Variants in ABCB5 observed in about 807,000 individuals in gnomAD.
ABCB5 encodes ATP binding cassette subfamily B member 5.
In ABCB5, 155 loss-of-function variants were observed where a neutral mutation model predicts 144.2. That is an observed-to-expected ratio of 1.08 (90% CI 0.94 to 1.23). The LOEUF (loss-of-function observed/expected upper bound fraction) is 1.23, where lower values mean the gene tolerates loss of function less well. Among genes scored for constraint, ABCB5 ranks in the 50% most tolerant of loss-of-function variants. The pLI, the probability that ABCB5 is intolerant of heterozygous loss-of-function variation, is 0.00. For synonymous variants in ABCB5, 610 were observed against 528.6 expected (o/e 1.15, Z -2.11); for missense variants, 1,830 against 1,520.8 (o/e 1.20, Z -3.38).
At chr7:20,711,775 T>TC (rs1491533317) in intron 20 of ABCB5, among the ~76,000 whole-genome samples, 5 of 60,742 alleles carry the variant, frequency 8.2e-5, no homozygotes, top group East Asian at 2.8e-3. Context: ...CCTTTCCTTC[T>TC]TTCTCTTTCT....
intron 16 of ABCB5, among the ~76,000 whole-genome samples, chr7:20,688,785 A>C (rs1786094442): frequency 6.6e-6 from 1 of 152,230 alleles, no homozygotes; most frequent in South Asian, 2.1e-4. Flanking sequence ...AATACTAGGC[A>C]GCCATAAAAA....
At chr7:20,631,273 A>C (rs948030614) in intron 4 of ABCB5, among the ~76,000 whole-genome samples, 1 of 152,108 alleles carries the variant, frequency 6.6e-6, no homozygotes, top group Admixed American at 6.6e-5. Context: ...TGCCACATGA[A>C]TTTTGGTATT....
At chr7:20,655,317 C>CA (rs1394929422) in intron 13 of ABCB5, among the ~76,000 whole-genome samples, 4 of 151,888 alleles carry the variant, frequency 2.6e-5, no homozygotes, top group African/African-American at 9.7e-5. Flanking sequence ...ACTAAAAATA[C>CA]AAAAAATTAG....
intron 26 of ABCB5, among the ~76,000 whole-genome samples, chr7:20,746,360 A>G (rs781560667): frequency 6.6e-6 from 1 of 152,130 alleles, no homozygotes; most frequent in Non-Finnish European, 1.5e-5. Context: ...GGCCTCCCAA[A>G]GTGCTGGGAT....
At chr7:20,637,059 T>C (rs1448795396) in intron 5 of ABCB5, among the ~76,000 whole-genome samples, 1 of 152,162 alleles carries the variant, frequency 6.6e-6, no homozygotes, top group Non-Finnish European at 1.5e-5. Flanking sequence ...CAATATTTGA[T>C]TGTGGAACAT....
At chr7:20,720,970 A>T (rs1781848827) in intron 20 of ABCB5, among the ~76,000 whole-genome samples, 1 of 148,386 alleles carries the variant, frequency 6.7e-6, no homozygotes, top group Admixed American at 6.8e-5. Context: ...AAAAAAAAGA[A>T]TGAAGAATTA....
At chr7:20,696,697 T>G (rs1287694173) in intron 16 of ABCB5, among the ~76,000 whole-genome samples, 1 of 152,142 alleles carries the variant, frequency 6.6e-6, no homozygotes, top group Non-Finnish European at 1.5e-5. Context: ...TGTCTATAAT[T>G]TTATGTTTTT....
chr7:20,668,591 G>A (rs1378681194), intron 14 of ABCB5, among the ~76,000 whole-genome samples: 1 of 24,508 alleles, frequency 4.1e-5, no homozygotes, highest in Middle Eastern at 0.019. Flanking sequence ...GGAGGGAGGT[G>A]GGGGGGGGGG....
chr7:20,712,660 T>C (rs140072216), intron 20 of ABCB5, among the ~76,000 whole-genome samples: 1 of 149,780 alleles, frequency 6.7e-6, no homozygotes, highest in African/African-American at 2.5e-5. Flanking sequence ...ATCATATATA[T>C]TTTTCATCTC....
At chr7:20,669,170 C>T (rs1353219848) in intron 14 of ABCB5, among the ~76,000 whole-genome samples, 4 of 149,038 alleles carry the variant, frequency 2.7e-5, no homozygotes, top group Non-Finnish European at 5.9e-5. Flanking sequence ...TGCCCGGCCG[C>T]CCCTACTGGG....
chr7:20,715,342 G>C (rs1781636935), intron 20 of ABCB5, among the ~76,000 whole-genome samples: 1 of 151,734 alleles, frequency 6.6e-6, no homozygotes, highest in Non-Finnish European at 1.5e-5. Flanking sequence ...CGCCGCGCAT[G>C]GCCTCTACTA....
chr7:20,628,678 T>C lies in ABCB5; in HGVS notation c.109-10T>C. On this transcript the variant is annotated splice_polypyrimidine_tract_variant and intron_variant, in intron 3 of 27. Coordinates refer to ENST00000404938, the MANE Select transcript of ABCB5 (RefSeq NM_001163941.2). ...ACAGTTGTGGTGCTACCGTGCTTTG[T>C]TTTCCTCAGTTCCGCTTTGCTGATG... 1 of 1,610,684 alleles carries C rather than the reference T, an allele frequency of 6.2e-7. No homozygotes were observed. Among genetic ancestry groups the C allele is most frequent in the African/African-American group, 1.3e-5 (1 of 74,944 alleles).
At chr7:20,692,516 A>G (rs1414351683) in intron 16 of ABCB5, among the ~76,000 whole-genome samples, 1 of 151,380 alleles carries the variant, frequency 6.6e-6, no homozygotes, top group South Asian at 2.1e-4. Context: ...AAGGAAAGTG[A>G]TACTAGATGG....
Position 20,681,538 on chromosome 7 carries a change from C to A in ABCB5, c.1741C>A (p.His581Asn), listed in dbSNP as rs1235561255. ...AGGTCGGACTACAATCGTGGTAGCA[C>A]ACCGACTTTCTACTATTCGAAGTGC... is the stretch of plus-strand genomic sequence containing the variant. ...SKGRTTIVVA[H>N]RLSTIRSADL... The change falls in exon 15 of 28, where the codon CAC becomes AAC. Residue 581 changes from histidine (H) to asparagine (N), a missense_variant. Physicochemically the swap from His to Asn is moderately conservative, Grantham distance 68. Coordinates refer to ENST00000404938, the MANE Select transcript of ABCB5 (RefSeq NM_001163941.2). The A allele has an allele frequency of 6.2e-7, 1 of 1,614,188 alleles. No individual in the cohort carries two copies. Among genetic ancestry groups the A allele is most frequent in the Non-Finnish European group, 8.5e-7 (1 of 1,180,036 alleles).
chr7:20,669,629 C>T, intron 14 of ABCB5, among the ~76,000 whole-genome samples: 1 of 97,982 alleles, frequency 1.0e-5, no homozygotes, highest in East Asian at 3.0e-4. Flanking sequence ...AACCAGAGAC[C>T]TTTGTTCACT....
chr7:20,659,311 T>TTATAAA, intron 14 of ABCB5: 7 of 1,421,900 alleles, frequency 4.9e-6, no homozygotes, highest in African/African-American at 4.3e-5. Flanking sequence ...ATGGCCTGAC[T>TTATAAA]CCCTTATAAA....
rs1784954740 is a variant in ABCB5, at chr7:20,660,068, C to T, written c.1707+1392C>T. ...CATGTTGTGCCCGCAGTATTTTCAT[C>T]CACTGGTAATCACTTTAGGTAATCA... is the stretch of plus-strand genomic sequence containing the variant. On this transcript the variant is annotated intron_variant, in intron 14 of 27. Transcript: ENST00000404938. 27 of 985,222 alleles carry T rather than the reference C, an allele frequency of 2.7e-5. No individual in the cohort carries two copies. In the South Asian group the frequency reaches 1.3e-3, roughly 46 times the overall value. The allele number at this position is 985,222 out of a possible 1,614,324, so 61.0% of individuals were successfully genotyped here. A position where few individuals can be genotyped will look rare whatever the true frequency, so the allele number is the denominator to read the frequency against.
At chr7:20,694,011 TTC>T (rs779287216) in intron 16 of ABCB5, among the ~76,000 whole-genome samples, 12 of 151,064 alleles carry the variant, frequency 7.9e-5, no homozygotes, top group Non-Finnish European at 1.5e-4. Flanking sequence ...TGTGGTTAAA[TTC>T]TTTTTTCCCT....
chr7:20,717,047 A>T (rs551607509), intron 20 of ABCB5, among the ~76,000 whole-genome samples: 1 of 152,246 alleles, frequency 6.6e-6, no homozygotes, highest in Admixed American at 6.5e-5. Flanking sequence ...TGGTCTTCCC[A>T]TCTGGAGCTT....
Sources: allele counts gnomAD v4.1 joint callset (sites outside exome capture counted in the v4.1 genomes callset), GRCh38; gene constraint gnomAD v4.1.1; transcripts MANE v1.5; gene names NCBI Gene and HGNC (gene_info 2026-07-23, HGNC 2026-07-21).